The following PHRF1 variants were observed in gnomAD, a reference collection of about 807,000 sequenced individuals.
The protein encoded by PHRF1 is PHD and RING finger domain-containing protein 1.
In PHRF1, 53 loss-of-function variants were observed where a neutral mutation model predicts 128.9. That is an observed-to-expected ratio of 0.41 (90% CI 0.33 to 0.52). The LOEUF (loss-of-function observed/expected upper bound fraction) is 0.52. Among genes scored for constraint, PHRF1 ranks in the 20% least tolerant of loss-of-function variants. The probability of loss-of-function intolerance (pLI) is 0.21; values close to 1 mark genes in which losing one functional copy is unlikely to be tolerated. For synonymous variants in PHRF1, 1,178 were observed against 980.6 expected (o/e 1.20, Z -3.76); for missense variants, 2,503 against 2,284.5 (o/e 1.10, Z -1.95).
chr11:587,157 T>G (rs1249020151), intron 3 of PHRF1, 102 bp from the exon 4 acceptor site: 1 of 1,129,928 alleles, frequency 8.9e-7, no homozygotes, highest in African/African-American at 1.5e-5. Flanking sequence ...GGCTGTGCAT[T>G]GCCGACCTGG....
At chr11:610,396 C>A in intron 15 of PHRF1, 49 bp downstream of exon 15, 1 of 1,535,376 alleles carries the variant, frequency 6.5e-7, no homozygotes. Context: ...TGGCCTGGCA[C>A]CCGTGCCACA....
chr11:588,702 T>G (rs574904691), intron 4 of PHRF1, among the ~76,000 whole-genome samples: 1 of 152,174 alleles, frequency 6.6e-6, no homozygotes, highest in South Asian at 2.1e-4. Flanking sequence ...TTTTTTTTTG[T>G]AGATTTTTCT....
chr11:597,652 G>A lies in PHRF1; in HGVS notation c.894+82G>A, dbSNP rs1333750823. On this transcript the variant is annotated intron_variant, in intron 8 of 17. Transcript: ENST00000264555. The surrounding 1 kb of genome is among the most constrained non-coding windows in gnomAD (Gnocchi z 6.5). ...GGCAGTCTGGGTGGGTGGGAGGGGCGTCGTCGGCACTGTGGGGTCCGCCCG... is the reference window on the plus strand; with the variant it reads ...GGCAGTCTGGGTGGGTGGGAGGGGCATCGTCGGCACTGTGGGGTCCGCCCG... 5 of 1,481,202 alleles carry A rather than the reference G, an allele frequency of 3.4e-6. No individual in the cohort carries two copies. In the African/African-American group the frequency reaches 5.6e-5, roughly 17 times the overall value. The allele number at this position is 1,481,202 out of a possible 1,614,324, so 91.8% of individuals were successfully genotyped here.
chr11:604,958 C>T (rs1388699775), intron 10 of PHRF1, among the ~76,000 whole-genome samples, 161 bp from the exon 11 acceptor site: 1 of 152,236 alleles, frequency 6.6e-6, no homozygotes, highest in East Asian at 1.9e-4. Context: ...ATTGTTCCTG[C>T]TTGTCGGTCA....
chr11:586,305 A>T (rs1262965321), intron 3 of PHRF1, among the ~76,000 whole-genome samples: 1 of 152,182 alleles, frequency 6.6e-6, no homozygotes, highest in East Asian at 1.9e-4. Flanking sequence ...TAGCTCTTCA[A>T]CTCTTAACAT....
Position 607,736 on chromosome 11 carries a change from C to A in PHRF1, c.2280C>A (p.Ala760=). ...CCCCCAGCTCCCATGGCAGTTTGGC[C>A]CCACTGGGACCATCAAGAGGGAAAG... is the stretch of plus-strand genomic sequence containing the variant. ...PPAPSSHGSL[A]PLGPSRGKGV... Residue 760 remains alanine (A), a synonymous_variant, in exon 14 of 18, where the codon GCC becomes GCA. Transcript: ENST00000264555. 1 of 1,612,004 alleles carries A rather than the reference C, an allele frequency of 6.2e-7. No homozygotes were observed. Among genetic ancestry groups the A allele is most frequent in the East Asian group, 2.2e-5 (1 of 44,850 alleles).
At position 576,560 on chromosome 11, in the gene PHRF1, C is replaced by T. The variant is rs1286490266; in HGVS notation, c.-54C>T. On this transcript the variant is annotated 5_prime_UTR_variant, in exon 1 of 18. Coordinates refer to ENST00000264555, the MANE Select transcript of PHRF1 (RefSeq NM_001286581.2). ...CTCGGTCGTGCAGCGGCGGCGAGCGCTCGCGAGCGGCTGCGGGACGCGAGG... is the reference window on the plus strand; with the variant it reads ...CTCGGTCGTGCAGCGGCGGCGAGCGTTCGCGAGCGGCTGCGGGACGCGAGG... The T allele has an allele frequency of 1.3e-5, 2 of 151,794 alleles. No homozygotes were observed. Among genetic ancestry groups the T allele is most frequent in the East Asian group, 4.0e-4 (2 of 5,048 alleles). 9.4% of individuals were successfully genotyped at this position (151,794 alleles called of 1,614,324 possible). A position where few individuals can be genotyped will look rare whatever the true frequency, so the allele number is the denominator to read the frequency against.
Position 591,419 on chromosome 11 carries a change from T to C in PHRF1, c.456T>C (p.Phe152=). ...CCTGTCCAGTTGATCGAACTCTATTTAAGTGCATTTGTATTCGAGCTCAAT... is the reference window on the plus strand; with the variant it reads ...CCTGTCCAGTTGATCGAACTCTATTCAAGTGCATTTGTATTCGAGCTCAAT... The part of the protein sequence containing the change: ...ANSCPVDRTL[F]KCICIRAQFG... The change falls in exon 5 of 18, where the codon TTT becomes TTC. Residue 152 remains phenylalanine, a synonymous_variant. Coordinates refer to ENST00000264555, the MANE Select transcript of PHRF1 (RefSeq NM_001286581.2). 1 of 1,610,370 alleles carries C rather than the reference T, an allele frequency of 6.2e-7. No homozygotes were observed.
chr11:600,277 A>G (rs1292001091), intron 9 of PHRF1, among the ~76,000 whole-genome samples: 1 of 145,084 alleles, frequency 6.9e-6, no homozygotes, highest in African/African-American at 2.6e-5. Flanking sequence ...TTGAGACAGG[A>G]TCTCATCTTG....
rs1159320645 is a variant in PHRF1, at chr11:608,390, G to C, written c.2934G>C (p.Gln978His). The part of the protein sequence containing the change: ...PEAPPSPDVL[Q>H]AATHRVVELR... The stretch of plus-strand genomic sequence containing the variant: ...CCCCACCCAGCCCGGACGTGCTGCA[G>C]GCTGCCACCCACAGAGTCGTGGAGC... Residue 978 changes from glutamine (Q) to histidine (H), a missense_variant, in exon 14 of 18, where the codon CAG becomes CAC. Transcript: ENST00000264555. The C allele has an allele frequency of 6.2e-7, 1 of 1,611,712 alleles. No homozygotes were observed.
intron 1 of PHRF1, among the ~76,000 whole-genome samples, chr11:580,199 G>T (rs189061540): frequency 6.6e-6 from 1 of 152,210 alleles, no homozygotes; most frequent in Non-Finnish European, 1.5e-5. Context: ...CCTTTCCTCC[G>T]AGAGTCGCCT....
At chr11:604,515 CTTGT>C (rs895970771) in intron 10 of PHRF1, among the ~76,000 whole-genome samples, 7 of 152,110 alleles carry the variant, frequency 4.6e-5, no homozygotes, top group East Asian at 3.9e-4. Flanking sequence ...TTTTGGTGTT[CTTGT>C]TTGTTTGTTT....
chr11:605,848 A>G, intron 12 of PHRF1, 124 bp downstream of exon 12: 1 of 1,398,094 alleles, frequency 7.2e-7, no homozygotes, highest in Non-Finnish European at 9.4e-7. Context: ...ACCTCCCCTC[A>G]GCTGTCATGC....
chr11:608,818 G>A lies in PHRF1; in HGVS notation c.3362G>A (p.Arg1121Lys). 4 of 1,612,138 alleles carry A rather than the reference G, an allele frequency of 2.5e-6. No individual in the cohort carries two copies. The highest frequency in any genetic ancestry group is 3.4e-6 in the Non-Finnish European group (4 of 1,179,814). Residue 1121 changes from arginine (R) to lysine (K), a missense_variant, in exon 14 of 18, where the codon AGG (arginine) becomes AAG (lysine). Physicochemically the swap from Arg to Lys is conservative, Grantham distance 26. Coordinates refer to ENST00000264555, the MANE Select transcript of PHRF1 (RefSeq NM_001286581.2). ...AGATCAGCGTCCAGACCTCGGGGAA[G>A]GGAGTGCTCCCCCACCAGCAGCCTG... is the stretch of plus-strand genomic sequence containing the variant. ...KRRSASRPRG[R>K]ECSPTSSLER...
intron 3 of PHRF1, among the ~76,000 whole-genome samples, chr11:585,554 G>T: frequency 7.8e-6 from 1 of 128,998 alleles, no homozygotes; most frequent in African/African-American, 3.4e-5. Flanking sequence ...TGAGGTAGTA[G>T]CCCTTTCCAG....
At position 607,710 on chromosome 11, in the gene PHRF1, G is replaced by A; in HGVS notation, c.2254G>A (p.Ala752Thr). Residue 752 changes from alanine (A) to threonine (T), a missense_variant, in exon 14 of 18, where the codon GCC becomes ACC. Ala to Thr is a moderately conservative substitution (Grantham distance 58). Transcript: ENST00000264555. Reference protein sequence around the residue: ...GVHTGSSRPPAPSSHGSLAPL... With the variant: ...GVHTGSSRPPTPSSHGSLAPL... ...GCACACGGGCAGCTCCCGGCCCCCA[G>A]CCCCCAGCTCCCATGGCAGTTTGGC... 6.2e-7 allele frequency: 1 copy of A among 1,610,792 alleles called. No individual in the cohort carries two copies. The highest frequency in any genetic ancestry group is 8.5e-7 in the Non-Finnish European group (1 of 1,178,574).
rs758631313 is a variant in PHRF1 at position 605,297 on chromosome 11, A to G, written c.1331A>G (p.Asp444Gly). 1 of 1,612,916 alleles carries G rather than the reference A, an allele frequency of 6.2e-7. No homozygotes were observed. Among genetic ancestry groups the G allele is most frequent in the South Asian group, 1.1e-5 (1 of 91,074 alleles). Residue 444 changes from aspartate to glycine, a missense_variant, in exon 11 of 18, where the codon GAC (aspartate) becomes GGC (glycine). By Grantham distance (94) the Asp-to-Gly change is moderately conservative. Transcript: ENST00000264555. Reference sequence around the variant, plus strand: ...GATCCTTATGAGCTGGATCCCTTCGACAGGTGAGTGAACTGGTGATGGTCC... The same window carrying G: ...GATCCTTATGAGCTGGATCCCTTCGGCAGGTGAGTGAACTGGTGATGGTCC... ...FGDPYELDPF[D>G]SSEELSANPL...
At chr11:589,821 G>A (rs1040127321) in intron 4 of PHRF1, among the ~76,000 whole-genome samples, 1 of 150,226 alleles carries the variant, frequency 6.7e-6, no homozygotes, top group African/African-American at 2.5e-5. Context: ...AGAGCGTGCG[G>A]GGCTCAGCCT....
At position 601,563 on chromosome 11, in the gene PHRF1, C is replaced by CT. The variant is rs781542594; in HGVS notation, c.1025-7dup. ...CACAGAGAAGCACAGACTTCAACCT[C>CT]TTTTCCTTAGGAAGACGGAAGAAAG... is the stretch of plus-strand genomic sequence containing the variant. On this transcript the variant is annotated splice_polypyrimidine_tract_variant and intron_variant, in intron 9 of 17. Coordinates refer to ENST00000264555, the MANE Select transcript of PHRF1 (RefSeq NM_001286581.2). 1 of 1,613,562 alleles carries CT rather than the reference C, an allele frequency of 6.2e-7. No individual in the cohort carries two copies. The highest frequency in any genetic ancestry group is 1.7e-5 in the Admixed American group (1 of 59,978).
Sources: gnomAD v4.1 joint callset for allele counts (sites outside exome capture counted in the v4.1 genomes callset) on GRCh38, gnomAD v4.1.1 for gene constraint, Gnocchi (gnomAD v3.1) non-coding constraint, MANE v1.5 for transcripts, NCBI Gene and HGNC (gene_info 2026-07-23, HGNC 2026-07-21) for gene names.